Variants in PIEZO2 observed in about 807,000 individuals in gnomAD.
The protein encoded by PIEZO2 is piezo-type mechanosensitive ion channel component 2.
In PIEZO2, 172 loss-of-function variants were observed where a neutral mutation model predicts 337.3. The observed-to-expected ratio is 0.51, with a 90% CI of 0.45 to 0.58. The LOEUF is 0.58. Ranked by LOEUF, PIEZO2 falls within the 20% of genes least tolerant of loss-of-function variation. The pLI, the probability that PIEZO2 is intolerant of heterozygous loss-of-function variation, is 0.00. For missense variants in PIEZO2, 3,028 were observed against 3,391.3 expected, an observed-to-expected ratio of 0.89 and a Z score of 2.66; for synonymous variants, 1,251 against 1,228.5, an observed-to-expected ratio of 1.02 and a Z score of -0.38.
At chr18:10,842,838 A>C (rs1258875379) in intron 7 of PIEZO2, among the ~76,000 whole-genome samples, 2 of 152,278 alleles carry the variant, frequency 1.3e-5, no homozygotes, top group Non-Finnish European at 2.9e-5. Flanking sequence ...GCTGTTAAGA[A>C]AAACTCAACA....
At chr18:10,702,772 A>C (rs567221475) in intron 42 of PIEZO2, among the ~76,000 whole-genome samples, 1 of 152,368 alleles carries the variant, frequency 6.6e-6, no homozygotes, top group Non-Finnish European at 1.5e-5. Flanking sequence ...AGAGTAAATC[A>C]ACATCAAGAA....
At chr18:10,694,987 T>C (rs906613141) in intron 47 of PIEZO2, among the ~76,000 whole-genome samples, 13 of 152,254 alleles carry the variant, frequency 8.5e-5, no homozygotes, top group African/African-American at 2.4e-4. Context: ...CGAAGAGTTA[T>C]AGTTTGCTTG....
chr18:10,847,364 C>A lies in PIEZO2; in HGVS notation c.917+7989G>T, dbSNP rs184535917. Among the ~76,000 whole-genome samples the A allele has an allele frequency of 7.2e-5, 11 of 152,168 alleles. No homozygotes were observed. The highest frequency in any genetic ancestry group is 3.3e-4 in the Admixed American group (5 of 15,274). ...TCTCCATAAAAACTGAAAGGAAGAC[C>A]GTGGAGATGCCCTTGGTGGGCAAAA... On this transcript the variant is annotated intron_variant, in intron 7 of 55. Coordinates refer to ENST00000674853, the MANE Select transcript of PIEZO2 (RefSeq NM_001378183.1). The surrounding 1 kb of genome is among the most constrained non-coding windows in gnomAD (Gnocchi z 5.7).
chr18:10,970,337 G>A (rs1188650081), intron 3 of PIEZO2, among the ~76,000 whole-genome samples: 2 of 152,224 alleles, frequency 1.3e-5, no homozygotes, highest in African/African-American at 4.8e-5. Context: ...ATGGGGTAGG[G>A]AGAAGTACAG....
intron 11 of PIEZO2, among the ~76,000 whole-genome samples, chr18:10,798,824 G>A (rs977641504): frequency 2.6e-5 from 4 of 152,196 alleles, no homozygotes; most frequent in Non-Finnish European, 5.9e-5. Flanking sequence ...ATGCTCTGAA[G>A]AGCACACTGG....
chr18:11,011,456 T>C (rs2625353), intron 2 of PIEZO2, among the ~76,000 whole-genome samples: 80,260 of 151,972 alleles, frequency 0.53, 21,418 homozygotes, highest in African/African-American at 0.57. Flanking sequence ...TGTATATTTA[T>C]GCTTAAAAAT....
Position 10,837,972 on chromosome 18 carries a change from G to C in PIEZO2, c.917+17381C>G, listed in dbSNP as rs1053841950. Among the ~76,000 whole-genome samples the C allele has an allele frequency of 6.6e-6, 1 of 151,962 alleles. No individual in the cohort carries two copies. The stretch of plus-strand genomic sequence containing the variant: ...TCGTCATGTTGGCCAGGCTGGTCTC[G>C]AACTCCTGATCGCAGGTGATCTGTC... On this transcript the variant is annotated intron_variant, in intron 7 of 55. Transcript: ENST00000674853. This position sits in a 1 kb window ranked among gnomAD's most constrained non-coding sequence, Gnocchi z 4.4.
At chr18:10,697,694 A>G (rs964374263) in intron 45 of PIEZO2, 54 bp downstream of exon 45, 42 of 1,575,800 alleles carry the variant, frequency 2.7e-5, no homozygotes, top group Non-Finnish European at 3.3e-5. Context: ...AGGAAATAAT[A>G]AAGCCCAAAA....
At chr18:10,796,819 A>C (rs1426215969) in intron 12 of PIEZO2, among the ~76,000 whole-genome samples, 1 of 152,182 alleles carries the variant, frequency 6.6e-6, no homozygotes, top group Admixed American at 6.5e-5. Flanking sequence ...TATCATACAT[A>C]CTGTCATATC....
intron 7 of PIEZO2, 42 bp from the exon 8 acceptor site, chr18:10,807,316 CTA>C (rs1221073185): frequency 6.7e-6 from 10 of 1,500,274 alleles, no homozygotes; most frequent in South Asian, 2.5e-5. Context: ...ATGCAATAAG[CTA>C]TATGTCTCCA....
chr18:10,939,929 T>C (rs2032631499), intron 3 of PIEZO2, among the ~76,000 whole-genome samples: 1 of 151,598 alleles, frequency 6.6e-6, no homozygotes, highest in Non-Finnish European at 1.5e-5. Flanking sequence ...TGACTTAAAG[T>C]AAAATAAAAT....
intron 2 of PIEZO2, among the ~76,000 whole-genome samples, chr18:11,017,072 T>A (rs536566167): frequency 1.3e-5 from 2 of 152,276 alleles, no homozygotes; most frequent in Non-Finnish European, 2.9e-5. Context: ...CATTCAAACA[T>A]CTAAAAGAAT....
Position 11,097,538 on chromosome 18 carries a change from T to C in PIEZO2, c.65-31316A>G, listed in dbSNP as rs1405165974. ...AGAAAACACAGGGCCTGGCCATAACTGCTTCACAGTTTGAAGACAGCAAAA... is the reference window on the plus strand; with the variant it reads ...AGAAAACACAGGGCCTGGCCATAACCGCTTCACAGTTTGAAGACAGCAAAA... On this transcript the variant is annotated intron_variant, in intron 1 of 55. Transcript: ENST00000674853. The surrounding 1 kb of genome is among the most constrained non-coding windows in gnomAD (Gnocchi z 5.0). 6.6e-6 allele frequency among the ~76,000 whole-genome samples: 1 copy of C among 152,240 alleles called. No individual in the cohort carries two copies. The highest frequency in any genetic ancestry group is 2.4e-5 in the African/African-American group (1 of 41,472).
intron 49 of PIEZO2, among the ~76,000 whole-genome samples, chr18:10,684,369 G>A (rs1260203730): frequency 2.0e-5 from 3 of 150,608 alleles, no homozygotes; most frequent in African/African-American, 7.3e-5. Context: ...GTTTCACCAT[G>A]TTAGCCAGGG....
In PIEZO2 at chr18:10,726,361, C is replaced by A; in HGVS notation, c.5029+5046G>T. The A allele has an allele frequency of 6.6e-7, 1 of 1,510,706 alleles. No individual in the cohort carries two copies. Among genetic ancestry groups the A allele is most frequent in the Non-Finnish European group, 8.8e-7 (1 of 1,135,672 alleles). The allele number at this position is 1,510,706 out of a possible 1,614,324, so 93.6% of individuals were successfully genotyped here. The stretch of plus-strand genomic sequence containing the variant: ...CCAGCGCTGCCTCCCTTCGCCTTCC[C>A]CGCAGGCACCCACTACCTGCGGGGC... On this transcript the variant is annotated intron_variant, in intron 36 of 55. Transcript: ENST00000674853. This position sits in a 1 kb window ranked among gnomAD's most constrained non-coding sequence, Gnocchi z 5.9.
Position 10,904,696 on chromosome 18 carries a change from G to T in PIEZO2, c.329+6490C>A, listed in dbSNP as rs73396514. On this transcript the variant is annotated intron_variant, in intron 4 of 55. Transcript: ENST00000674853. ...GGGCTGTGTTTTAGCCTGGATCCCAGGATGGAGCAGGCACTGGAGAAGAGC... is the reference window on the plus strand; with the variant it reads ...GGGCTGTGTTTTAGCCTGGATCCCATGATGGAGCAGGCACTGGAGAAGAGC... Among the ~76,000 whole-genome samples, 778 of 152,266 alleles carry T rather than the reference G, an allele frequency of 5.1e-3. 8 individuals carry two copies. Among genetic ancestry groups the T allele is most frequent in the African/African-American group, 0.018 (733 of 41,588 alleles).
chr18:10,726,910 G>C lies in PIEZO2; in HGVS notation c.5029+4497C>G. On this transcript the variant is annotated intron_variant, in intron 36 of 55. Transcript: ENST00000674853. The surrounding 1 kb of genome is among the most constrained non-coding windows in gnomAD (Gnocchi z 5.9). ...CATGGCCACCAACCGGCTGGATGTG[G>C]CGGAGCTGGGTCGCCTGCTGCCCGA... 1.3e-6 allele frequency: 2 copies of C among 1,578,808 alleles called. No individual in the cohort carries two copies. Among genetic ancestry groups the C allele is most frequent in the Non-Finnish European group, 8.6e-7 (1 of 1,159,578 alleles).
intron 24 of PIEZO2, among the ~76,000 whole-genome samples, 159 bp from the exon 25 acceptor site, chr18:10,760,068 C>T (rs1204080320): frequency 6.6e-6 from 1 of 152,074 alleles, no homozygotes; most frequent in African/African-American, 2.4e-5. Context: ...AGTGTCTCAG[C>T]GTGAAGACAG....
At position 10,969,348 on chromosome 18, in the gene PIEZO2, G is replaced by A. The variant is rs1039251074; in HGVS notation, c.286+10187C>T. ...CAAATCATTTTAAACTTCCTGCTCT[G>A]TGATTTGTCTTACAGCAAGGACTGG... is the stretch of plus-strand genomic sequence containing the variant. On this transcript the variant is annotated intron_variant, in intron 3 of 55. Transcript: ENST00000674853. This position sits in a 1 kb window ranked among gnomAD's most constrained non-coding sequence, Gnocchi z 4.5. Among the ~76,000 whole-genome samples, 1 of 151,930 alleles carries A rather than the reference G, an allele frequency of 6.6e-6. No individual in the cohort carries two copies. Among genetic ancestry groups the A allele is most frequent in the African/African-American group, 2.4e-5 (1 of 41,376 alleles).
Sources: gnomAD v4.1 joint callset for allele counts (sites outside exome capture counted in the v4.1 genomes callset) on GRCh38, gnomAD v4.1.1 for gene constraint, Gnocchi (gnomAD v3.1) non-coding constraint, MANE v1.5 for transcripts, NCBI Gene and HGNC (gene_info 2026-07-23, HGNC 2026-07-21) for gene names.